The following SLC6A2 variants were observed in gnomAD, a reference collection of about 807,000 sequenced individuals.
SLC6A2 encodes solute carrier family 6 member 2, also known as sodium-dependent noradrenaline transporter.
A neutral mutation model predicts 71.7 loss-of-function variants in SLC6A2; 26 were observed. The observed-to-expected ratio is 0.36, with a 90% confidence interval of 0.27 to 0.50. The LOEUF is 0.50. Among genes scored for constraint, SLC6A2 ranks in the 20% least tolerant of loss-of-function variants. SLC6A2 has a pLI of 0.96. For synonymous variants in SLC6A2, 363 were observed against 337.9 expected (o/e 1.07, Z -0.82); for missense variants, 581 against 803.9 (o/e 0.72, Z 3.35).
Position 55,697,899 on chromosome 16 carries a change from G to T in SLC6A2, c.1263G>T (p.Met421Ile). 1 of 1,614,008 alleles carries T rather than the reference G, an allele frequency of 6.2e-7. No individual in the cohort carries two copies. Among genetic ancestry groups the T allele is most frequent in the East Asian group, 2.2e-5 (1 of 44,874 alleles). Residue 421 changes from methionine (M) to isoleucine (I), a missense_variant and splice_region_variant, in exon 10 of 15, where the codon ATG (methionine) becomes ATT (isoleucine). Physicochemically the swap from Met to Ile is conservative, Grantham distance 10. Around this residue, in one of 5 missense-constraint regions of SLC6A2, gnomAD observed 334 missense variants for 449.0 expected, o/e 0.74. Coordinates refer to ENST00000568943, the MANE Select transcript of SLC6A2 (RefSeq NM_001172501.3). ...MLLALGLDSS[M>I]GGMEAVITGL... ...CCACCCCTCCTGGTTCCCTCCAGAT[G>T]GGAGGCATGGAGGCTGTCATCACGG...
intron 4 of SLC6A2, among the ~76,000 whole-genome samples, chr16:55,679,936 A>C (rs928511246): frequency 6.6e-6 from 1 of 152,174 alleles, no homozygotes; most frequent in Non-Finnish European, 1.5e-5. Context: ...AGGGGTGCAC[A>C]CTGTCTTGTG....
rs1166489068 is a variant in SLC6A2 at position 55,704,069 on chromosome 16, A to G, written c.*1723A>G. ...CAGTGAGGCTTAAGAATGGAGAACA[A>G]TCAGGTCGGGGTCTGGGCCCCATTA... On this transcript the variant is annotated 3_prime_UTR_variant, in exon 15 of 15. Transcript: ENST00000568943. 6.6e-6 allele frequency: 1 copy of G among 152,362 alleles called. No individual in the cohort carries two copies. The highest frequency in any genetic ancestry group is 1.9e-4 in the East Asian group (1 of 5,194). The allele number at this position is 152,362 out of a possible 1,614,324, so 9.4% of individuals were successfully genotyped here.
In SLC6A2 at chr16:55,669,604, C is replaced by T. The variant is rs1439637030; in HGVS notation, c.314C>T (p.Ala105Val). ...CCGTACACACTGTTCCTTATCATCG[C>T]GGGGATGCCCCTGTTCTACATGGAG... ...LIPYTLFLII[A>V]GMPLFYMELA... Residue 105 changes from alanine to valine, a missense_variant, in exon 3 of 15, where the codon GCG becomes GTG. Transcript: ENST00000568943. 17 of 1,613,904 alleles carry T rather than the reference C, an allele frequency of 1.1e-5. No individual in the cohort carries two copies. In the Admixed American group the frequency reaches 1.3e-4, roughly 13 times the overall value.
intron 4 of SLC6A2, among the ~76,000 whole-genome samples, chr16:55,677,007 T>C (rs1405414148): frequency 6.6e-6 from 1 of 152,150 alleles, no homozygotes; most frequent in Non-Finnish European, 1.5e-5. Flanking sequence ...GGCATAGAAA[T>C]TTCCATCAGT....
intron 14 of SLC6A2, 110 bp from the exon 15 acceptor site, chr16:55,702,213 G>T (rs1381263058): frequency 9.5e-6 from 10 of 1,056,610 alleles, no homozygotes; most frequent in Non-Finnish European, 1.5e-5. Flanking sequence ...GTCCGTGAAG[G>T]AAGGGGGTGT....
chr16:55,664,247 C>G (rs1964687787), intron 2 of SLC6A2, among the ~76,000 whole-genome samples: 1 of 152,182 alleles, frequency 6.6e-6, no homozygotes. Context: ...AATCTCTTCA[C>G]TGCATGCATC....
intron 4 of SLC6A2, among the ~76,000 whole-genome samples, chr16:55,676,533 G>T (rs1270483848): frequency 6.6e-6 from 1 of 152,196 alleles, no homozygotes; most frequent in African/African-American, 2.4e-5. Context: ...ATTTTGCACC[G>T]TAGGAGCTTA....
chr16:55,668,632 C>T (rs58972412), intron 2 of SLC6A2, among the ~76,000 whole-genome samples: 7,173 of 152,174 alleles, frequency 0.047, 477 homozygotes, highest in African/African-American at 0.14. Context: ...TGAGTCACCT[C>T]GCAGAGTCAG....
At chr16:55,674,108 G>C (rs1290449704) in intron 4 of SLC6A2, among the ~76,000 whole-genome samples, 1 of 152,048 alleles carries the variant, frequency 6.6e-6, no homozygotes, top group East Asian at 1.9e-4. Context: ...CTGAGGTTTG[G>C]GGTGTGATTG....
At chr16:55,675,820 C>T (rs1027874474) in intron 4 of SLC6A2, among the ~76,000 whole-genome samples, 1 of 152,122 alleles carries the variant, frequency 6.6e-6, no homozygotes, top group Non-Finnish European at 1.5e-5. Context: ...CTTTAGGGCT[C>T]CTCTCCTTCA....
At chr16:55,667,003 C>T (rs1206788928) in intron 2 of SLC6A2, among the ~76,000 whole-genome samples, 1 of 112,788 alleles carries the variant, frequency 8.9e-6, no homozygotes, top group African/African-American at 3.6e-5. Context: ...CTCTTTTTCT[C>T]TCTCTCTAAA....
intron 2 of SLC6A2, among the ~76,000 whole-genome samples, chr16:55,661,755 G>A: frequency 6.6e-6 from 1 of 152,138 alleles, no homozygotes; most frequent in East Asian, 1.9e-4. Context: ...TGGTAAATGG[G>A]GTTTATAATT....
chr16:55,672,078 C>A lies in SLC6A2; in HGVS notation c.547C>A (p.Pro183Thr), dbSNP rs1567436886. ...WTDCGHTWNS[P>T]NCTDPKLLNG... Reference sequence around the variant, plus strand: ...CGACTGTGGCCACACCTGGAACAGCCCCAACTGTACCGACCCCAAGCTCCT... The same window carrying A: ...CGACTGTGGCCACACCTGGAACAGCACCAACTGTACCGACCCCAAGCTCCT... The change falls in exon 4 of 15, where the codon CCC becomes ACC. Residue 183 changes from proline (P) to threonine (T), a missense_variant. By Grantham distance (38) the Pro-to-Thr change is conservative (BLOSUM62 -1). This residue lies in a region of SLC6A2 where 87 missense variants were observed against 99.5 expected (regional missense o/e 0.87). Transcript: ENST00000568943. The A allele has an allele frequency of 6.2e-7, 1 of 1,614,196 alleles. No homozygotes were observed. Among genetic ancestry groups the A allele is most frequent in the Non-Finnish European group, 8.5e-7 (1 of 1,180,030 alleles).
intron 10 of SLC6A2, 146 bp downstream of exon 10, chr16:55,698,171 T>C (rs1332083645): frequency 2.3e-6 from 2 of 871,400 alleles, no homozygotes; most frequent in Non-Finnish European, 3.8e-6. Context: ...CCTGACCCAC[T>C]AGGGTTAGGC....
In SLC6A2 at chr16:55,656,770, C is replaced by T. The variant is rs963288063; in HGVS notation, c.76C>T (p.Arg26Trp). Reference sequence around the variant, plus strand: ...GGACACGGGTCCAGAGCAGCCCCTTCGGGCGCGCAAAACTGCGGAGCTGCT... The same window carrying T: ...GGACACGGGTCCAGAGCAGCCCCTTTGGGCGCGCAAAACTGCGGAGCTGCT... ...GADTGPEQPL[R>W]ARKTAELLVV... is the part of the protein sequence containing the mutation. The change falls in exon 2 of 15, where the codon CGG (arginine) becomes TGG (tryptophan). Residue 26 changes from arginine (R) to tryptophan (W), a missense_variant. Transcript: ENST00000568943. This position sits in a 1 kb window ranked among gnomAD's most constrained non-coding sequence, Gnocchi z 4.5. 27 of 1,613,308 alleles carry T rather than the reference C, an allele frequency of 1.7e-5. No homozygotes were observed. The highest frequency in any genetic ancestry group is 2.3e-5 in the Non-Finnish European group (27 of 1,179,822).
rs538873815 is a variant in SLC6A2 at position 55,670,963 on chromosome 16, A to C, written c.407-975A>C. 1.5e-3 allele frequency among the ~76,000 whole-genome samples: 224 copies of C among 152,284 alleles called. 1 individual carries two copies. The highest frequency in any genetic ancestry group is 4.9e-3 in the African/African-American group (205 of 41,566). The stretch of plus-strand genomic sequence containing the variant: ...TAAACAATACATCTACCCTAGAAAA[A>C]AGCTATAGAACTACCCCTAAAGGAG... On this transcript the variant is annotated intron_variant, in intron 3 of 14. Transcript: ENST00000568943.
rs568733612 is a variant in SLC6A2, at chr16:55,702,269, T to A, written c.1831-54T>A. ...TCCTGCTGCCCCCGCCAGCTGGCCC[T>A]TGCTCCTTTCTGTCCCCACCATGTC... On this transcript the variant is annotated intron_variant, in intron 14 of 14. Coordinates refer to ENST00000568943, the MANE Select transcript of SLC6A2 (RefSeq NM_001172501.3). 4 of 1,586,732 alleles carry A rather than the reference T, an allele frequency of 2.5e-6. No individual in the cohort carries two copies. In the African/African-American group the frequency reaches 5.4e-5, roughly 21 times the overall value.
At chr16:55,663,313 G>T (rs1488735879) in intron 2 of SLC6A2, among the ~76,000 whole-genome samples, 1 of 152,106 alleles carries the variant, frequency 6.6e-6, no homozygotes, top group East Asian at 1.9e-4. Flanking sequence ...CCTTATAAAT[G>T]GATTAATGTC....
Position 55,704,957 on chromosome 16 carries a change from C to T in SLC6A2, c.*2611C>T. On this transcript the variant is annotated 3_prime_UTR_variant, in exon 15 of 15. Coordinates refer to ENST00000568943, the MANE Select transcript of SLC6A2 (RefSeq NM_001172501.3). ...AGATCATTTGGGTTTACCTTTCCAC[C>T]CACATTTAATGGAGAGAGAGTATGG... 3.1e-6 allele frequency: 1 copy of T among 327,756 alleles called. No individual in the cohort carries two copies. Among genetic ancestry groups the T allele is most frequent in the Non-Finnish European group, 5.5e-6 (1 of 181,482 alleles). 20.3% of individuals were successfully genotyped at this position (327,756 alleles called of 1,614,324 possible).
Sources: gnomAD v4.1 joint callset for allele counts (sites outside exome capture counted in the v4.1 genomes callset) on GRCh38, gnomAD v4.1.1 for gene constraint, gnomAD v4.1.1 regional missense constraint, Gnocchi (gnomAD v3.1) non-coding constraint, MANE v1.5 for transcripts, NCBI Gene and HGNC (gene_info 2026-07-23, HGNC 2026-07-21) for gene names.